The following RHCG variants were observed in gnomAD, a reference collection of about 807,000 sequenced individuals.
RHCG encodes ammonium transporter Rh type C.
In RHCG, 39 loss-of-function variants were observed where a neutral mutation model predicts 55.3. That is an observed-to-expected ratio of 0.70 (90% CI 0.55 to 0.92). RHCG has a LOEUF of 0.92. Among genes scored for constraint, RHCG ranks in the 40% least tolerant of loss-of-function variants. The pLI, the probability that RHCG is intolerant of heterozygous loss-of-function variation, is 0.00. For missense variants in RHCG, 635 were observed against 627.9 expected (o/e 1.01, Z -0.12); for synonymous variants, 250 against 246.8 (o/e 1.01, Z -0.12).
chr15:89,473,628 AAAAAT>A (rs1274081642), intron 9 of RHCG, among the ~76,000 whole-genome samples: 8 of 152,236 alleles, frequency 5.3e-5, no homozygotes, highest in African/African-American at 4.8e-5. Flanking sequence ...ATATAACAAT[AAAAAT>A]AATAAAAACA....
chr15:89,491,009 G>A (rs1961464875), intron 1 of RHCG, among the ~76,000 whole-genome samples: 1 of 152,178 alleles, frequency 6.6e-6, no homozygotes, highest in Non-Finnish European at 1.5e-5. Flanking sequence ...GCCCCTGGGG[G>A]AAGACAGCAT....
chr15:89,472,605 TC>T (rs1961058875), intron 10 of RHCG, 105 bp downstream of exon 10: 1 of 1,167,662 alleles, frequency 8.6e-7, no homozygotes. Flanking sequence ...AGCCCTCATT[TC>T]TTGATGTTTG....
chr15:89,478,434 G>A (rs558739461), intron 5 of RHCG, among the ~76,000 whole-genome samples: 1 of 152,180 alleles, frequency 6.6e-6, no homozygotes, highest in Non-Finnish European at 1.5e-5. Context: ...TGGCTGTAGG[G>A]GTTAGCGCTT....
intron 3 of RHCG, among the ~76,000 whole-genome samples, chr15:89,480,812 G>T (rs1338064448): frequency 6.6e-6 from 1 of 152,222 alleles, no homozygotes; most frequent in Non-Finnish European, 1.5e-5. Context: ...CCTTAGCAGG[G>T]CTGTTGTCAG....
chr15:89,472,649 T>A, intron 10 of RHCG, 62 bp downstream of exon 10: 1 of 1,504,890 alleles, frequency 6.6e-7, no homozygotes, highest in Non-Finnish European at 9.1e-7. Context: ...CATCTGATTC[T>A]GAGAGCTGGG....
At chr15:89,491,211 C>G (rs1365969821) in intron 1 of RHCG, among the ~76,000 whole-genome samples, 1 of 152,030 alleles carries the variant, frequency 6.6e-6, no homozygotes, top group Non-Finnish European at 1.5e-5. Flanking sequence ...CTTTCCTGGT[C>G]CATCCTCCCT....
At chr15:89,486,470 G>C in intron 2 of RHCG, 1 of 466,794 alleles carries the variant, frequency 2.1e-6, no homozygotes, top group Non-Finnish European at 4.3e-6. Flanking sequence ...AGCCTTTGTC[G>C]TAGGGGAAGG....
At chr15:89,491,865 A>G (rs1388842430) in intron 1 of RHCG, among the ~76,000 whole-genome samples, 2 of 152,224 alleles carry the variant, frequency 1.3e-5, no homozygotes, top group Non-Finnish European at 2.9e-5. Context: ...TCTCAGATCT[A>G]CAGGTTCTTT....
At chr15:89,489,322 C>T (rs1049419693) in intron 1 of RHCG, among the ~76,000 whole-genome samples, 1 of 151,834 alleles carries the variant, frequency 6.6e-6, no homozygotes, top group Non-Finnish European at 1.5e-5. Flanking sequence ...CAGGATTTTG[C>T]TATGTGGGCC....
rs1403790389 is a variant in RHCG, at chr15:89,486,977, C to T, written c.193G>A (p.Asp65Asn). 26 of 1,593,180 alleles carry T rather than the reference C, an allele frequency of 1.6e-5. No homozygotes were observed. The highest frequency in any genetic ancestry group is 2.2e-5 in the Non-Finnish European group (26 of 1,165,386). The change falls in exon 2 of 11, where the codon GAC becomes AAC. Residue 65 changes from aspartate to asparagine, a missense_variant. Physicochemically the swap from Asp to Asn is conservative, Grantham distance 23 (BLOSUM62 1). Transcript: ENST00000268122. ...EFYYRYPSFQ[D>N]VHVMVFVGFG... ...CCCACGAAGACCATCACGTGCACGT[C>T]CTGGAAGCCTGCGGGGACAGTGCAG...
intron 2 of RHCG, 88 bp downstream of exon 2, chr15:89,486,711 C>T (rs1961377155): frequency 6.9e-7 from 1 of 1,440,050 alleles, no homozygotes; most frequent in Non-Finnish European, 9.5e-7. Context: ...CGGGTCCCGC[C>T]GATGGGCACG....
At position 89,496,486 on chromosome 15, in the gene RHCG, A is replaced by C; in HGVS notation, c.59T>G (p.Val20Gly). 1.2e-6 allele frequency: 2 copies of C among 1,613,748 alleles called. No individual in the cohort carries two copies. Among genetic ancestry groups the C allele is most frequent in the South Asian group, 2.2e-5 (2 of 91,086 alleles). The change falls in exon 1 of 11, where the codon GTG (valine) becomes GGG (glycine). Residue 20 changes from valine to glycine, a missense_variant. Transcript: ENST00000268122. The part of the protein sequence containing the change: ...RLPLTCLLLQ[V>G]IMVILFGVFV... ...CACCCCGAAGAGAATCACCATAATC[A>C]CCTGCAGGAGCAGGCAGGTGAGCGG... is the stretch of plus-strand genomic sequence containing the variant.
chr15:89,483,354 G>A (rs1168950598), intron 2 of RHCG, 137 bp from the exon 3 acceptor site: 9 of 713,390 alleles, frequency 1.3e-5, no homozygotes, highest in Non-Finnish European at 2.2e-6. Context: ...TACACTAATG[G>A]GCACCTAACA....
chr15:89,496,271 C>T, intron 1 of RHCG, 90 bp downstream of exon 1: 3 of 1,356,538 alleles, frequency 2.2e-6, no homozygotes, highest in Non-Finnish European at 3.1e-6. Context: ...GGGTAGATCC[C>T]CTCCTCTGCC....
chr15:89,485,482 A>C (rs1427838623), intron 2 of RHCG, among the ~76,000 whole-genome samples: 1 of 152,220 alleles, frequency 6.6e-6, no homozygotes, highest in Non-Finnish European at 1.5e-5. Context: ...CATGTGTCCT[A>C]GATTTCAGAC....
Position 89,486,847 on chromosome 15 carries a change from C to T in RHCG, c.323G>A (p.Gly108Asp), listed in dbSNP as rs777692983. Residue 108 changes from glycine to aspartate, a missense_variant, in exon 2 of 11, where the codon GGC (glycine) becomes GAC (aspartate). Physicochemically the swap from Gly to Asp is moderately conservative, Grantham distance 94. Transcript: ENST00000268122. ...FGIQWALLMQ[G>D]WFHFLQDRYI... ...GCGGTCTTGTAAGAAGTGGAACCAG[C>T]CCTGCATGAGCAGCGCCCACTGGAT... 3.7e-6 allele frequency: 6 copies of T among 1,610,390 alleles called. No individual in the cohort carries two copies. The highest frequency in any genetic ancestry group is 5.1e-6 in the Non-Finnish European group (6 of 1,177,096).
intron 10 of RHCG, 54 bp downstream of exon 10, chr15:89,472,656 TG>T: frequency 6.5e-7 from 1 of 1,527,094 alleles, no homozygotes; most frequent in South Asian, 1.2e-5. Context: ...TTCTGAGAGC[TG>T]GGCCCCCACT....
In RHCG at chr15:89,480,295, A is replaced by T. The variant is rs146278239; in HGVS notation, c.636T>A (p.Asn212Lys). 9 of 1,614,026 alleles carry T rather than the reference A, an allele frequency of 5.6e-6. No homozygotes were observed. In the African/African-American group the frequency reaches 1.2e-4, roughly 22 times the overall value. Reference protein sequence around the residue: ...RNLEQSKERQNSVYQSDLFAM... With the variant: ...RNLEQSKERQKSVYQSDLFAM... ...CAAAGAGGTCCGACTGGTACACAGA[A>T]TTCTGTCTCTCCTTGCTCTGCTCTA... Residue 212 changes from asparagine to lysine, a missense_variant, in exon 4 of 11, where the codon AAT becomes AAA. Coordinates refer to ENST00000268122, the MANE Select transcript of RHCG (RefSeq NM_016321.3).
intron 5 of RHCG, among the ~76,000 whole-genome samples, chr15:89,478,914 A>C (rs1961207712): frequency 6.6e-6 from 1 of 152,134 alleles, no homozygotes; most frequent in Non-Finnish European, 1.5e-5. Flanking sequence ...AATATGGTGA[A>C]ACCCCATCTC....
Sources: gnomAD v4.1 joint callset for allele counts (sites outside exome capture counted in the v4.1 genomes callset) on GRCh38, gnomAD v4.1.1 for gene constraint, MANE v1.5 for transcripts, NCBI Gene and HGNC (gene_info 2026-07-23, HGNC 2026-07-21) for gene names.